The following C12orf54 variants were observed in gnomAD, a reference collection of about 807,000 sequenced individuals.
C12orf54 encodes the protein chromosome 12 open reading frame 54.
C12orf54 carries 24 observed loss-of-function variants against 26.4 expected under a neutral mutation model. The ratio of observed to expected loss-of-function variants is 0.91; its 90% CI spans 0.66 to 1.28. C12orf54 has a LOEUF of 1.28. Among genes scored for constraint, C12orf54 ranks in the 50% most tolerant of loss-of-function variants. C12orf54 has a pLI of 0.00. For missense variants in C12orf54, 154 were observed against 150.9 expected, an observed-to-expected ratio of 1.02 and a Z score of -0.11; for synonymous variants, 54 against 47.0, an observed-to-expected ratio of 1.15 and a Z score of -0.61.
At chr12:48,466,188 T>C in the C12orf54 span, among the ~76,000 whole-genome samples, 1 of 152,198 alleles carries the variant, frequency 6.6e-6, no homozygotes, top group East Asian at 1.9e-4. Flanking sequence ...AATCTATTAT[T>C]ATAATACAAG....
chr12:48,496,467 A>C lies in C12orf54; in HGVS notation c.*327A>C, dbSNP rs904139021. 2 of 152,702 alleles carry C rather than the reference A, an allele frequency of 1.3e-5. No homozygotes were observed. The highest frequency in any genetic ancestry group is 4.8e-5 in the African/African-American group (2 of 41,470). 9.5% of individuals were successfully genotyped at this position (152,702 alleles called of 1,614,324 possible). A position where few individuals can be genotyped will look rare whatever the true frequency, so the allele number is the denominator to read the frequency against. On this transcript the variant is annotated 3_prime_UTR_variant, in exon 9 of 9. Transcript: ENST00000548364. The stretch of plus-strand genomic sequence containing the variant: ...TATGATAGTGCATTTGGTTCAAAGA[A>C]CAGCACTGTAGCATGGGAGAACCTG...
chr12:48,472,997 G>C, the C12orf54 span: 2 of 1,614,120 alleles, frequency 1.2e-6, no homozygotes, highest in East Asian at 2.2e-5. Context: ...CCCTGAAAAA[G>C]TTAGAAAACC....
At chr12:48,447,719 T>C in the C12orf54 span, among the ~76,000 whole-genome samples, 1 of 152,128 alleles carries the variant, frequency 6.6e-6, no homozygotes, top group South Asian at 2.1e-4. Context: ...ATCTCTGAAG[T>C]CTATGACTGC....
At chr12:48,429,367 G>T in the C12orf54 span, among the ~76,000 whole-genome samples, 1 of 151,936 alleles carries the variant, frequency 6.6e-6, no homozygotes, top group Non-Finnish European at 1.5e-5. Context: ...CAGTAAAGAG[G>T]GAGCCAAACT....
At chr12:48,473,022 C>T in the C12orf54 span, 1 of 1,614,096 alleles carries the variant, frequency 6.2e-7, no homozygotes, top group Admixed American at 1.7e-5. Context: ...GAGCTTAGAC[C>T]TTTTCACTTG....
chr12:48,494,742 C>A, intron 7 of C12orf54, 56 bp from the exon 8 acceptor site: 1 of 1,565,488 alleles, frequency 6.4e-7, no homozygotes, highest in Non-Finnish European at 8.8e-7. Flanking sequence ...AGGAAGGGAA[C>A]TGAAAGGGTA....
the C12orf54 span, among the ~76,000 whole-genome samples, chr12:48,416,883 A>G: frequency 6.6e-6 from 1 of 151,900 alleles, no homozygotes; most frequent in Non-Finnish European, 1.5e-5. Context: ...GAGAGAGATG[A>G]TTAGGCTCTA....
chr12:48,421,393 A>T, the C12orf54 span, among the ~76,000 whole-genome samples: 1 of 152,192 alleles, frequency 6.6e-6, no homozygotes, highest in East Asian at 1.9e-4. Flanking sequence ...AAACCATGAG[A>T]AACTGCCCCC....
chr12:48,473,041 C>T, the C12orf54 span: 2 of 1,614,108 alleles, frequency 1.2e-6, no homozygotes, highest in African/African-American at 1.3e-5. Flanking sequence ...TGCGAGGTAA[C>T]CAACCTGAAC....
chr12:48,485,174 T>C (rs4351855), intron 2 of C12orf54, among the ~76,000 whole-genome samples: 22,241 of 152,140 alleles, frequency 0.15, 2,845 homozygotes, highest in East Asian at 0.66. Context: ...ACTCCTGGGC[T>C]CAAGCAATCC....
the C12orf54 span, among the ~76,000 whole-genome samples, chr12:48,446,459 T>C: frequency 6.6e-6 from 1 of 152,208 alleles, no homozygotes; most frequent in Non-Finnish European, 1.5e-5. Flanking sequence ...AAGAGCATCA[T>C]GCTAACAAAG....
chr12:48,451,051 TATCCTTGATGAAC>T, the C12orf54 span, among the ~76,000 whole-genome samples: 1 of 152,148 alleles, frequency 6.6e-6, no homozygotes, highest in Non-Finnish European at 1.5e-5. Context: ...TTCAGGCCAA[TATCCTTGATGAAC>T]ATCAAAGAAA....
At chr12:48,435,544 C>T in the C12orf54 span, among the ~76,000 whole-genome samples, 1 of 152,212 alleles carries the variant, frequency 6.6e-6, no homozygotes, top group Non-Finnish European at 1.5e-5. Context: ...GGAAGCCCAT[C>T]AGACTAACAG....
the C12orf54 span, among the ~76,000 whole-genome samples, chr12:48,426,134 G>A: frequency 1.1e-4 from 16 of 151,864 alleles, no homozygotes; most frequent in African/African-American, 3.9e-4. Context: ...AATGCTTTTG[G>A]CATCTTTATC....
chr12:48,468,634 G>A, the C12orf54 span, among the ~76,000 whole-genome samples: 1 of 152,068 alleles, frequency 6.6e-6, no homozygotes, highest in Non-Finnish European at 1.5e-5. Context: ...ATCAGACAAA[G>A]CAGTCACTTT....
the C12orf54 span, among the ~76,000 whole-genome samples, chr12:48,476,543 G>A: frequency 1.3e-5 from 2 of 152,180 alleles, no homozygotes; most frequent in African/African-American, 2.4e-5. Context: ...ATAAAGGGAT[G>A]GAGGAAGATC....
chr12:48,424,586 T>TC, the C12orf54 span, among the ~76,000 whole-genome samples: 4 of 152,058 alleles, frequency 2.6e-5, no homozygotes, highest in Non-Finnish European at 5.9e-5. Flanking sequence ...GCAATTGAAA[T>TC]CCTCATATGT....
At chr12:48,424,274 G>A in the C12orf54 span, among the ~76,000 whole-genome samples, 3 of 152,134 alleles carry the variant, frequency 2.0e-5, no homozygotes, top group South Asian at 2.1e-4. Flanking sequence ...AGTTTTGCAT[G>A]TATATTCATG....
At chr12:48,492,676 C>T (rs980375751) in intron 6 of C12orf54, among the ~76,000 whole-genome samples, 1 of 152,194 alleles carries the variant, frequency 6.6e-6, no homozygotes, top group African/African-American at 2.4e-5. Context: ...AGTGGCAGCG[C>T]CCTGGGATGG....
Sources: gnomAD v4.1 joint callset for allele counts (sites outside exome capture counted in the v4.1 genomes callset) on GRCh38, gnomAD v4.1.1 for gene constraint, MANE v1.5 for transcripts, NCBI Gene and HGNC (gene_info 2026-07-23, HGNC 2026-07-21) for gene names.